RASGRP3: variants seen among roughly 807,000 people sequenced by gnomAD.
RASGRP3 encodes ras guanyl-releasing protein 3.
RASGRP3 carries 54 observed loss-of-function variants against 82.7 expected under a neutral mutation model. That is an observed-to-expected ratio of 0.65 (90% confidence interval 0.52 to 0.82). RASGRP3 has a LOEUF of 0.82. Among genes scored for constraint, RASGRP3 ranks in the 40% least tolerant of loss-of-function variants. RASGRP3 has a pLI of 0.00. For missense variants in RASGRP3, 861 were observed against 828.9 expected, an observed-to-expected ratio of 1.04 and a Z score of -0.48; for synonymous variants, 309 against 300.5, an observed-to-expected ratio of 1.03 and a Z score of -0.29.
At chr2:33,460,051 C>T (rs1024762630) in intron 2 of RASGRP3, among the ~76,000 whole-genome samples, 1 of 152,162 alleles carries the variant, frequency 6.6e-6, no homozygotes, top group African/African-American at 2.4e-5. Context: ...GAACTTTATA[C>T]AATGGAAATA....
At chr2:33,557,635 G>C (rs113141478) in intron 15 of RASGRP3, among the ~76,000 whole-genome samples, 32 of 151,678 alleles carry the variant, frequency 2.1e-4, no homozygotes, top group Admixed American at 2.6e-4. Flanking sequence ...GTGTGAACCC[G>C]GGAGGCGGAG....
intron 1 of RASGRP3, chr2:33,482,381 A>C (rs1668017876): frequency 6.6e-6 from 1 of 152,206 alleles, no homozygotes; most frequent in Non-Finnish European, 1.5e-5. Context: ...TCATATAGTC[A>C]AGTTGGAGTT....
chr2:33,557,267 G>T (rs890833608), intron 15 of RASGRP3, among the ~76,000 whole-genome samples: 1 of 152,110 alleles, frequency 6.6e-6, no homozygotes, highest in African/African-American at 2.4e-5. Flanking sequence ...ATCCTAATGG[G>T]CAATTCACAG....
intron 7 of RASGRP3, among the ~76,000 whole-genome samples, chr2:33,522,812 G>T (rs938229504): frequency 1.3e-5 from 2 of 152,176 alleles, no homozygotes; most frequent in African/African-American, 2.4e-5. Context: ...ATTATTGCGT[G>T]CAAAGAAGAC....
At chr2:33,510,091 G>C (rs1249899227) in intron 1 of RASGRP3, among the ~76,000 whole-genome samples, 1 of 152,212 alleles carries the variant, frequency 6.6e-6, no homozygotes, top group Non-Finnish European at 1.5e-5. Context: ...TGAAGGATTA[G>C]TCATTTAGAG....
chr2:33,555,794 T>A (rs113055699), intron 15 of RASGRP3, among the ~76,000 whole-genome samples: 78 of 152,278 alleles, frequency 5.1e-4, no homozygotes, highest in African/African-American at 1.7e-3. Flanking sequence ...CACACATAAA[T>A]CTAGTTCTTT....
chr2:33,559,090 G>C, intron 17 of RASGRP3, 60 bp downstream of exon 17: 1 of 1,372,224 alleles, frequency 7.3e-7, no homozygotes, highest in Non-Finnish European at 9.7e-7. Flanking sequence ...GTGCTGAGAT[G>C]AGCGTTACAG....
chr2:33,525,617 C>G (rs1672468762), intron 9 of RASGRP3, among the ~76,000 whole-genome samples: 1 of 138,736 alleles, frequency 7.2e-6, no homozygotes, highest in African/African-American at 2.8e-5. Context: ...AATCTCAGCA[C>G]TTTGGGAGGT....
chr2:33,549,408 T>G (rs1192826122), intron 13 of RASGRP3, among the ~76,000 whole-genome samples, 196 bp from the exon 14 acceptor site: 1 of 152,162 alleles, frequency 6.6e-6, no homozygotes, highest in Admixed American at 6.5e-5. Flanking sequence ...TACACAATTT[T>G]CTGCTTACTG....
At chr2:33,528,397 G>A (rs897591320) in intron 10 of RASGRP3, among the ~76,000 whole-genome samples, 2 of 152,186 alleles carry the variant, frequency 1.3e-5, no homozygotes, top group Non-Finnish European at 2.9e-5. Flanking sequence ...TAGACACAAC[G>A]GTGTATAGAA....
At chr2:33,470,601 G>A (rs1239487806) in intron 2 of RASGRP3, among the ~76,000 whole-genome samples, 4 of 151,848 alleles carry the variant, frequency 2.6e-5, no homozygotes, top group East Asian at 1.9e-4. Flanking sequence ...GGATAGTCTC[G>A]ATCTCCTGAC....
At chr2:33,505,150 T>TCAC (rs1439892405) in intron 1 of RASGRP3, among the ~76,000 whole-genome samples, 6 of 145,190 alleles carry the variant, frequency 4.1e-5, no homozygotes, top group Admixed American at 1.3e-4. Flanking sequence ...ATCATCATCA[T>TCAC]CATCACCACC....
chr2:33,527,504 T>A, intron 10 of RASGRP3, 92 bp downstream of exon 10: 1 of 1,357,164 alleles, frequency 7.4e-7, no homozygotes, highest in Non-Finnish European at 1.0e-6. Flanking sequence ...CAATTCATTC[T>A]GGGGGAAAAT....
At chr2:33,493,725 G>A (rs1669060786) in intron 1 of RASGRP3, among the ~76,000 whole-genome samples, 1 of 151,460 alleles carries the variant, frequency 6.6e-6, no homozygotes, top group African/African-American at 2.4e-5. Flanking sequence ...TGAAATCCCT[G>A]CTATCATTTT....
intron 1 of RASGRP3, among the ~76,000 whole-genome samples, chr2:33,445,084 T>G (rs533441421): frequency 1.1e-4 from 16 of 152,368 alleles, no homozygotes; most frequent in Middle Eastern, 3.4e-3. Context: ...TTGCATTGTC[T>G]TATTTGAAGG....
At chr2:33,450,994 C>T (rs371062076) in intron 2 of RASGRP3, among the ~76,000 whole-genome samples, 28 of 151,176 alleles carry the variant, frequency 1.9e-4, no homozygotes, top group South Asian at 4.2e-4. Context: ...CCTGCCACCA[C>T]GCCTGGCTAA....
At chr2:33,499,437 T>C (rs1669649344) in intron 1 of RASGRP3, among the ~76,000 whole-genome samples, 1 of 152,040 alleles carries the variant, frequency 6.6e-6, no homozygotes, top group Admixed American at 6.6e-5. Context: ...TGCGCACATG[T>C]GGTCCCAGCT....
intron 2 of RASGRP3, among the ~76,000 whole-genome samples, chr2:33,465,430 G>A (rs1315787950): frequency 6.6e-6 from 1 of 152,192 alleles, no homozygotes; most frequent in Non-Finnish European, 1.5e-5. Flanking sequence ...GGCCGAAGAG[G>A]GAGGATCGCT....
intron 2 of RASGRP3, among the ~76,000 whole-genome samples, chr2:33,464,369 C>T (rs1209776825): frequency 1.3e-5 from 2 of 151,418 alleles, no homozygotes; most frequent in East Asian, 1.9e-4. Context: ...ATCTACCCAC[C>T]TCAGCCTCCC....
Sources: allele counts gnomAD v4.1 joint callset (sites outside exome capture counted in the v4.1 genomes callset), GRCh38; gene constraint gnomAD v4.1.1; transcripts MANE v1.5; gene names NCBI Gene and HGNC (gene_info 2026-07-23, HGNC 2026-07-21).